Variants in HLCS observed in about 807,000 individuals in gnomAD.
The protein encoded by HLCS is holocarboxylase synthetase.
HLCS carries 53 observed loss-of-function variants against 75.0 expected under a neutral mutation model. That is an observed-to-expected ratio of 0.71 (90% CI 0.57 to 0.89). The LOEUF (loss-of-function observed/expected upper bound fraction) is 0.89. Ranked by LOEUF, HLCS falls within the 40% of genes least tolerant of loss-of-function variation. The pLI is 0.00. For missense variants in HLCS, 966 were observed against 1,074.0 expected (o/e 0.90, Z 1.41); for synonymous variants, 431 against 428.6 (o/e 1.01, Z -0.07).
At chr21:36,985,243 A>G (rs2069204758) in intron 1 of HLCS, among the ~76,000 whole-genome samples, 1 of 152,270 alleles carries the variant, frequency 6.6e-6, no homozygotes, top group African/African-American at 2.4e-5. Context: ...TATTTTTCCC[A>G]ATGCAAGGAC....
At chr21:36,790,181 C>G (rs547683962) in intron 6 of HLCS, among the ~76,000 whole-genome samples, 13 of 152,042 alleles carry the variant, frequency 8.6e-5, no homozygotes, top group Admixed American at 7.2e-4. Context: ...CAAGGTGGGC[C>G]CATCACGAGG....
intron 6 of HLCS, among the ~76,000 whole-genome samples, chr21:36,890,434 G>A (rs1295238374): frequency 1.3e-5 from 2 of 152,154 alleles, no homozygotes; most frequent in Admixed American, 6.5e-5. Context: ...CATCACTAAC[G>A]GGGTTTTGAG....
intron 6 of HLCS, among the ~76,000 whole-genome samples, chr21:36,834,120 G>C (rs113878264): frequency 1.3e-5 from 2 of 152,328 alleles, no homozygotes; most frequent in East Asian, 1.9e-4. Context: ...GAGTACGCAC[G>C]GACTTTGGCG....
intron 2 of HLCS, 148 bp downstream of exon 2, chr21:36,961,888 A>G: frequency 2.7e-6 from 1 of 374,784 alleles, no homozygotes; most frequent in Admixed American, 3.8e-5. Context: ...CAGGAGGCGG[A>G]GGTCCCAGTG....
chr21:36,967,058 C>G (rs1166035100), upstream of HLCS, among the ~76,000 whole-genome samples: 1 of 151,878 alleles, frequency 6.6e-6, no homozygotes, highest in African/African-American at 2.4e-5. Flanking sequence ...GCTCCAGTGG[C>G]TGCCCGACCT....
chr21:36,877,303 T>G lies in HLCS; in HGVS notation c.1892+19557A>C, dbSNP rs1258991844. Among the ~76,000 whole-genome samples, 3 of 152,210 alleles carry G rather than the reference T, an allele frequency of 2.0e-5. No homozygotes were observed. The East Asian group carries it at 5.8e-4, about 29-fold the overall frequency. On this transcript the variant is annotated intron_variant, in intron 6 of 10. Coordinates refer to ENST00000674895, the MANE Select transcript of HLCS (RefSeq NM_001352514.2). ...TTTGGTTAATTTTTATTTTTTTCTC[T>G]CTTTTTTTTGTGTGTGTTTCTAGTC...
At chr21:36,960,972 A>T (rs1443835766) in intron 2 of HLCS, among the ~76,000 whole-genome samples, 1 of 152,250 alleles carries the variant, frequency 6.6e-6, no homozygotes, top group South Asian at 2.1e-4. Flanking sequence ...CACAGCTCAG[A>T]CAAAAGATAA....
intron 2 of HLCS, chr21:36,947,772 C>T (rs537827952): frequency 2.8e-4 from 273 of 985,362 alleles, no homozygotes; most frequent in Non-Finnish European, 3.2e-4. Context: ...TAAACTAGCA[C>T]AGGTGGCCCT....
rs1034237557 is a variant in HLCS, at chr21:36,936,461, A to G, written c.1425T>C (p.Ala475=). 4 of 1,613,844 alleles carry G rather than the reference A, an allele frequency of 2.5e-6. No individual in the cohort carries two copies. Among genetic ancestry groups the G allele is most frequent in the African/African-American group, 2.7e-5 (2 of 74,938 alleles). Residue 475 remains alanine (A), a synonymous_variant, in exon 4 of 11, where the codon GCT becomes GCC. Transcript: ENST00000674895. ...HVPFGTRGGE[A]VLCQVHLELP... ...CTGCCCTGAGTACCTGGCAAAGAAC[A>G]GCTTCTCCCCCGCGAGTTCCAAAAG...
Position 36,754,242 on chromosome 21 carries a change from G to A in HLCS, c.*4C>T, listed in dbSNP as rs746538591. 2.5e-5 allele frequency: 40 copies of A among 1,613,752 alleles called. No individual in the cohort carries two copies. The highest frequency in any genetic ancestry group is 1.3e-4 in the Admixed American group (8 of 60,016). On this transcript the variant is annotated 3_prime_UTR_variant, in exon 11 of 11. Coordinates refer to ENST00000674895, the MANE Select transcript of HLCS (RefSeq NM_001352514.2). The stretch of plus-strand genomic sequence containing the variant: ...AGGCAGCCGCGTCTCGGGGACGCCC[G>A]GCATTACCGCCGTTTGGGGAGGATG...
chr21:36,894,419 C>G (rs1411041499), intron 6 of HLCS, among the ~76,000 whole-genome samples: 1 of 152,202 alleles, frequency 6.6e-6, no homozygotes, highest in African/African-American at 2.4e-5. Context: ...ATCCATCTAT[C>G]TCGTGGTCCC....
At chr21:36,840,495 T>G (rs2062578164) in intron 6 of HLCS, among the ~76,000 whole-genome samples, 1 of 152,182 alleles carries the variant, frequency 6.6e-6, no homozygotes, top group Non-Finnish European at 1.5e-5. Context: ...GCCACAAAAA[T>G]AATAAATGTC....
intron 2 of HLCS, among the ~76,000 whole-genome samples, chr21:36,959,251 G>A (rs1236553500): frequency 1.3e-5 from 2 of 152,230 alleles, no homozygotes; most frequent in Non-Finnish European, 2.9e-5. Flanking sequence ...AGCCTGGGCG[G>A]TGTCGCAACC....
At chr21:36,830,707 T>C (rs2062175065) in intron 6 of HLCS, among the ~76,000 whole-genome samples, 1 of 150,068 alleles carries the variant, frequency 6.7e-6, no homozygotes, top group Non-Finnish European at 1.5e-5. Context: ...CAGGGCATGG[T>C]GGCACACATC....
At chr21:36,754,540 C>CCTTTTCCCTGCAGCG in intron 10 of HLCS, 123 bp from the exon 11 acceptor site, 1 of 1,023,582 alleles carries the variant, frequency 9.8e-7, no homozygotes, top group Non-Finnish European at 1.5e-6. Flanking sequence ...AGGCTCGCTG[C>CCTTTTCCCTGCAGCG]AGGGAAAAGG....
chr21:36,846,936 G>T (rs1204210223), intron 6 of HLCS, among the ~76,000 whole-genome samples: 1 of 152,104 alleles, frequency 6.6e-6, no homozygotes, highest in African/African-American at 2.4e-5. Flanking sequence ...GATGCAAGGG[G>T]ATTTTCAAAA....
At position 36,937,127 on chromosome 21, in the gene HLCS, G is replaced by C. The variant is rs751148714; in HGVS notation, c.759C>G (p.Cys253Trp). The C allele has an allele frequency of 8.7e-6, 14 of 1,614,008 alleles. No individual in the cohort carries two copies. The highest frequency in any genetic ancestry group is 3.3e-4 in the Middle Eastern group (2 of 6,084). ...TGTTCTCAAGTTCCAGACACTCGTG[G>C]CAACTAGACAGATGGAGGTGATAAT... ...VEHYHLHLSS[C>W]HECLELENST... Residue 253 changes from cysteine (C) to tryptophan (W), a missense_variant, in exon 4 of 11, where the codon TGC becomes TGG. Transcript: ENST00000674895.
intron 6 of HLCS, among the ~76,000 whole-genome samples, chr21:36,797,785 C>T (rs1386273885): frequency 6.6e-6 from 1 of 152,148 alleles, no homozygotes; most frequent in African/African-American, 2.4e-5. Flanking sequence ...GAAGCCTCAC[C>T]CTGCCCTGAC....
At chr21:36,954,575 A>T (rs1051503570) in intron 2 of HLCS, among the ~76,000 whole-genome samples, 1 of 151,812 alleles carries the variant, frequency 6.6e-6, no homozygotes, top group Non-Finnish European at 1.5e-5. Context: ...GAGATGCGCC[A>T]CTGCACTCCA....
Sources: gnomAD v4.1 joint callset for allele counts (sites outside exome capture counted in the v4.1 genomes callset) on GRCh38, gnomAD v4.1.1 for gene constraint, MANE v1.5 for transcripts, NCBI Gene and HGNC (gene_info 2026-07-23, HGNC 2026-07-21) for gene names.